Variants in USP34 observed in about 807,000 individuals in gnomAD.
USP34 encodes the protein ubiquitin specific peptidase 34.
Under a neutral mutation model 460.3 loss-of-function variants are expected in USP34, and 70 were observed. The ratio of observed to expected loss-of-function variants is 0.15; its 90% CI spans 0.13 to 0.19. USP34 has a LOEUF of 0.19. Among genes scored for constraint, USP34 ranks in the 10% least tolerant of loss-of-function variants. The probability of loss-of-function intolerance (pLI) is 1.00; values close to 1 mark genes in which losing one functional copy is unlikely to be tolerated. For missense variants in USP34, 3,985 were observed against 4,236.2 expected (o/e 0.94, Z 1.65); for synonymous variants, 1,647 against 1,405.3 (o/e 1.17, Z -3.85).
rs10710838 is a variant in USP34 at position 61,231,818 on chromosome 2, T to A, written c.7113+634A>T. The stretch of plus-strand genomic sequence containing the variant: ...GACAGAGCAAAACCCTCTAAAAAAA[T>A]ATATATACATATATATGTATGTTCT... On this transcript the variant is annotated intron_variant, in intron 58 of 79. Coordinates refer to ENST00000398571, the MANE Select transcript of USP34 (RefSeq NM_014709.4). 3.3e-4 allele frequency among the ~76,000 whole-genome samples: 11 copies of A among 33,144 alleles called. No homozygotes were observed. The South Asian group carries it at 4.6e-3, about 14-fold the overall frequency. The allele number at this position is 33,144 out of a possible 152,430, so 21.7% of individuals were successfully genotyped here.
At chr2:61,292,599 A>G (rs1689892845) in intron 33 of USP34, among the ~76,000 whole-genome samples, 1 of 152,204 alleles carries the variant, frequency 6.6e-6, no homozygotes, top group African/African-American at 2.4e-5. Flanking sequence ...TTTAGACATA[A>G]GATTACTTGA....
chr2:61,469,810 G>C (rs1025346433), intron 1 of USP34, among the ~76,000 whole-genome samples: 1 of 152,148 alleles, frequency 6.6e-6, no homozygotes, highest in Non-Finnish European at 1.5e-5. Flanking sequence ...AGAAGTAGTT[G>C]ATTTGCAATA....
chr2:61,344,038 CAG>C lies in USP34; in HGVS notation c.2286-11_2286-10del. 7 of 1,610,436 alleles carry C rather than the reference CAG, an allele frequency of 4.3e-6. No homozygotes were observed. Among genetic ancestry groups the C allele is most frequent in the Non-Finnish European group, 5.9e-6 (7 of 1,177,384 alleles). The stretch of plus-strand genomic sequence containing the variant: ...TATCATCAACCATATGCCTACAAAA[CAG>C]AGAAAAGCACAAAGTTAGTAATTAC... On this transcript the variant is annotated splice_polypyrimidine_tract_variant and intron_variant, in intron 15 of 79. Transcript: ENST00000398571.
At chr2:61,431,712 G>A (rs185933554) in intron 1 of USP34, among the ~76,000 whole-genome samples, 29 of 152,088 alleles carry the variant, frequency 1.9e-4, no homozygotes, top group Non-Finnish European at 1.9e-4. Flanking sequence ...AAACTTAGCC[G>A]GGCATGGTGT....
intron 5 of USP34, among the ~76,000 whole-genome samples, chr2:61,384,094 A>T (rs748280941): frequency 6.6e-6 from 1 of 152,132 alleles, no homozygotes; most frequent in Admixed American, 6.6e-5. Context: ...TAGTCATTTC[A>T]GTATCTGAAG....
chr2:61,382,753 A>G (rs897501875), intron 6 of USP34, among the ~76,000 whole-genome samples: 1 of 152,214 alleles, frequency 6.6e-6, no homozygotes, highest in African/African-American at 2.4e-5. Flanking sequence ...GTTGAGACTT[A>G]TAAAATTCAA....
chr2:61,389,208 G>C (rs1693266074), intron 5 of USP34, among the ~76,000 whole-genome samples: 1 of 152,132 alleles, frequency 6.6e-6, no homozygotes, highest in African/African-American at 2.4e-5. Context: ...TTAGTGGCCT[G>C]AGGACTCATA....
chr2:61,418,506 T>C (rs767763722), intron 2 of USP34, among the ~76,000 whole-genome samples: 3 of 152,178 alleles, frequency 2.0e-5, no homozygotes, highest in Non-Finnish European at 2.9e-5. Context: ...ATAAATAACA[T>C]GTTGTATGAA....
chr2:61,204,645 A>G (rs560931375), intron 72 of USP34, 44 bp from the exon 73 acceptor site: 65 of 1,446,548 alleles, frequency 4.5e-5, no homozygotes, highest in Non-Finnish European at 6.2e-5. Flanking sequence ...ATTAAGAGTT[A>G]TATCTGCCTA....
intron 1 of USP34, among the ~76,000 whole-genome samples, chr2:61,435,607 T>C (rs1391783117): frequency 2.6e-5 from 4 of 152,168 alleles, no homozygotes; most frequent in African/African-American, 9.7e-5. Flanking sequence ...ATTTCATATA[T>C]GGAAGAGCAA....
intron 2 of USP34, chr2:61,417,059 A>C: frequency 7.4e-7 from 1 of 1,347,210 alleles, no homozygotes; most frequent in Non-Finnish European, 1.0e-6. Flanking sequence ...GGGAACTTGA[A>C]CTTGGCCCTG....
At chr2:61,415,939 TACTA>T (rs1054899167) in intron 2 of USP34, among the ~76,000 whole-genome samples, 1 of 152,208 alleles carries the variant, frequency 6.6e-6, no homozygotes, top group African/African-American at 2.4e-5. Context: ...TTAAAAGTAA[TACTA>T]AGTAAACATT....
intron 10 of USP34, among the ~76,000 whole-genome samples, chr2:61,358,102 G>C (rs966317083): frequency 6.6e-6 from 1 of 152,100 alleles, no homozygotes; most frequent in Non-Finnish European, 1.5e-5. Flanking sequence ...TGAGACAGGA[G>C]AATCACTTGA....
chr2:61,195,891 G>A (rs553488422), intron 75 of USP34, among the ~76,000 whole-genome samples: 6 of 151,596 alleles, frequency 4.0e-5, no homozygotes, highest in Non-Finnish European at 7.4e-5. Flanking sequence ...TCCCCCCAAA[G>A]TAAAATAATC....
intron 7 of USP34, among the ~76,000 whole-genome samples, chr2:61,378,927 A>AAAAAAAAAAAAAAC (rs1692883833): frequency 6.7e-6 from 1 of 148,950 alleles, no homozygotes; most frequent in African/African-American, 2.4e-5. Flanking sequence ...AAAAAAAAAA[A>AAAAAAAAAAAAAAC]AAAAAAAAAA....
At chr2:61,361,897 T>C (rs551168315) in intron 10 of USP34, among the ~76,000 whole-genome samples, 28 of 151,848 alleles carry the variant, frequency 1.8e-4, no homozygotes, top group Non-Finnish European at 3.4e-4. Flanking sequence ...AATAAAATAT[T>C]TACAAACCAT....
intron 41 of USP34, among the ~76,000 whole-genome samples, chr2:61,270,879 C>G (rs1689192969): frequency 6.6e-6 from 1 of 152,138 alleles, no homozygotes; most frequent in African/African-American, 2.4e-5. Context: ...TAAACTGAAC[C>G]AACCAATTTT....
At chr2:61,301,602 A>C in intron 27 of USP34, 148 bp from the exon 28 acceptor site, 2 of 703,662 alleles carry the variant, frequency 2.8e-6, no homozygotes, top group Non-Finnish European at 4.6e-6. Flanking sequence ...TAGATTGAGG[A>C]TAGTTATTTC....
rs770217398 is a variant in USP34 at position 61,278,271 on chromosome 2, T to G, written c.5327A>C (p.Asp1776Ala). 3.7e-6 allele frequency: 6 copies of G among 1,613,552 alleles called. No homozygotes were observed. Among genetic ancestry groups the G allele is most frequent in the Non-Finnish European group, 5.1e-6 (6 of 1,179,814 alleles). ...ADCIRSREIL[D>A]HQDGNVEDDG... is the part of the protein sequence containing the mutation. ...ATCTTCTACATTACCATCCTGATGA[T>G]CAAGGATCTCCCTACTACAAAAAAG... The change falls in exon 41 of 80, where the codon GAT becomes GCT. Residue 1776 changes from aspartate (D) to alanine (A), a missense_variant. By Grantham distance (126) the Asp-to-Ala change is moderately radical (BLOSUM62 -2). Transcript: ENST00000398571.
Sources: gnomAD v4.1 joint callset for allele counts (sites outside exome capture counted in the v4.1 genomes callset) on GRCh38, gnomAD v4.1.1 for gene constraint, MANE v1.5 for transcripts, NCBI Gene and HGNC (gene_info 2026-07-23, HGNC 2026-07-21) for gene names.